The following MMP20 variants were observed in gnomAD, a reference collection of about 807,000 sequenced individuals.
The protein encoded by MMP20 is matrix metallopeptidase 20.
MMP20 carries 50 observed loss-of-function variants against 51.8 expected under a neutral mutation model. The observed-to-expected ratio is 0.97, with a 90% CI of 0.77 to 1.22. The LOEUF is 1.22. MMP20 is among the 50% of genes most tolerant of loss of function. MMP20 has a pLI of 0.00. For synonymous variants in MMP20, 244 were observed against 216.2 expected (o/e 1.13, Z -1.13); for missense variants, 663 against 601.4 (o/e 1.10, Z -1.07).
At chr11:102,588,630 G>C (rs1859280593) in intron 8 of MMP20, among the ~76,000 whole-genome samples, 1 of 152,116 alleles carries the variant, frequency 6.6e-6, no homozygotes, top group South Asian at 2.1e-4. Context: ...AGAGAATAAA[G>C]AAGAAGAAAT....
At chr11:102,624,120 A>G (rs1377617920) in intron 1 of MMP20, among the ~76,000 whole-genome samples, 1 of 152,218 alleles carries the variant, frequency 6.6e-6, no homozygotes, top group African/African-American at 2.4e-5. Flanking sequence ...GGCAGAAACA[A>G]TCGGTAGGGA....
At chr11:102,602,360 A>G (rs1457842028) in intron 6 of MMP20, among the ~76,000 whole-genome samples, 3 of 151,786 alleles carry the variant, frequency 2.0e-5, no homozygotes, top group Non-Finnish European at 4.4e-5. Flanking sequence ...ATAGAATCCT[A>G]TTTTGGAAAA....
At chr11:102,612,329 G>A (rs1431609450) in intron 2 of MMP20, among the ~76,000 whole-genome samples, 1 of 152,208 alleles carries the variant, frequency 6.6e-6, no homozygotes, top group Admixed American at 6.5e-5. Flanking sequence ...GCTGGGCGTG[G>A]TGGTGCAAAC....
chr11:102,603,241 G>A (rs1401866226), intron 6 of MMP20, among the ~76,000 whole-genome samples: 2 of 152,200 alleles, frequency 1.3e-5, no homozygotes, highest in African/African-American at 4.8e-5. Flanking sequence ...AAGAGACTGG[G>A]AGCGCTTTCA....
intron 5 of MMP20, chr11:102,607,600 G>C (rs917325753): frequency 6.6e-6 from 1 of 152,020 alleles, no homozygotes; most frequent in Admixed American, 6.6e-5. Context: ...GAATATCGAA[G>C]CTGGAAATTG....
At chr11:102,615,660 C>T (rs1433958164) in intron 2 of MMP20, among the ~76,000 whole-genome samples, 2 of 152,214 alleles carry the variant, frequency 1.3e-5, no homozygotes, top group Admixed American at 6.5e-5. Flanking sequence ...CAGCTCATTT[C>T]CTGCCATTGC....
chr11:102,610,328 T>C (rs959658942), intron 3 of MMP20, among the ~76,000 whole-genome samples: 2 of 150,250 alleles, frequency 1.3e-5, no homozygotes, highest in African/African-American at 4.9e-5. Context: ...GGACTTTGCA[T>C]GTGCCACAGA....
intron 2 of MMP20, among the ~76,000 whole-genome samples, chr11:102,612,738 C>CTTTTTTTTTTTTTTTTTTTTTTT (rs35861660): frequency 7.9e-6 from 1 of 127,198 alleles, no homozygotes. Flanking sequence ...TCTTTTCTTT[C>CTTTTTTTTTTTTTTTTTTTTTTT]TTTTTTTTTT....
rs759559840 is a variant in MMP20 at position 102,606,657 on chromosome 11, C to T, written c.831G>A (p.Leu277=). 6.2e-7 allele frequency: 1 copy of T among 1,613,948 alleles called. No individual in the cohort carries two copies. Among genetic ancestry groups the T allele is most frequent in the African/African-American group, 1.3e-5 (1 of 74,890 alleles). ...GGGCATGGGGCAGAGTGGGCTTCCC[C>T]AGGAATACTTTCCGAGGTCCTAGGA... ...QALYGPRKVF[L]GKPTLPHAPH... The change falls in exon 6 of 10, where the codon CTG becomes CTA. Residue 277 remains leucine (L), a synonymous_variant. Transcript: ENST00000260228.
chr11:102,589,254 G>A (rs576608797), intron 8 of MMP20, among the ~76,000 whole-genome samples: 7 of 152,178 alleles, frequency 4.6e-5, no homozygotes, highest in South Asian at 2.1e-4. Flanking sequence ...CCACCCACCC[G>A]CACCTCACCC....
intron 6 of MMP20, among the ~76,000 whole-genome samples, chr11:102,596,165 T>C (rs1711436): frequency 0.99 from 151,318 of 152,330 alleles, 75,175 homozygotes; most frequent in East Asian, 1. Flanking sequence ...TCAGGATACT[T>C]TGAGAACACA....
At chr11:102,589,782 C>T (rs960077008) in intron 8 of MMP20, among the ~76,000 whole-genome samples, 2 of 152,110 alleles carry the variant, frequency 1.3e-5, no homozygotes, top group African/African-American at 4.8e-5. Context: ...GTAGTTTAGT[C>T]ATAAGTTTTT....
rs1433181160 is a variant in MMP20, at chr11:102,611,789, T to C, written c.489A>G (p.Gly163=). 5 of 1,614,210 alleles carry C rather than the reference T, an allele frequency of 3.1e-6. No individual in the cohort carries two copies. The highest frequency in any genetic ancestry group is 1.3e-5 in the African/African-American group (1 of 75,064). Residue 163 remains glycine (G), a synonymous_variant, in exon 3 of 10, where the codon GGA becomes GGG. Coordinates refer to ENST00000260228, the MANE Select transcript of MMP20 (RefSeq NM_004771.4). ...CAAAAGATATCATAATATCCGCTTC[T>C]CCTGAGTTTATTCTGACAAAGCTCA... ...VPLSFVRINS[G]EADIMISFEN... is the part of the protein sequence containing the mutation.
intron 2 of MMP20, among the ~76,000 whole-genome samples, chr11:102,616,471 T>C (rs949030389): frequency 6.6e-6 from 1 of 152,204 alleles, no homozygotes; most frequent in Non-Finnish European, 1.5e-5. Flanking sequence ...TATTAGTAGG[T>C]TATTTTTTTC....
chr11:102,582,774 T>C (rs1468760933), intron 8 of MMP20, among the ~76,000 whole-genome samples: 1 of 152,146 alleles, frequency 6.6e-6, no homozygotes. Context: ...TACTTAAAAA[T>C]GGGGAAAACT....
chr11:102,612,412 C>A (rs1382281840), intron 2 of MMP20, among the ~76,000 whole-genome samples: 1 of 152,144 alleles, frequency 6.6e-6, no homozygotes, highest in African/African-American at 2.4e-5. Context: ...TTGCAGTGAG[C>A]CAAGATCGGG....
At position 102,594,058 on chromosome 11, in the gene MMP20, C is replaced by T. The variant is rs565385148; in HGVS notation, c.1091-463G>A. On this transcript the variant is annotated intron_variant, in intron 7 of 9. Transcript: ENST00000260228. ...TTCCATTGGCTCGCCATTGTCACAA[C>T]GCACCTTCAAGGTTTATATTGCTAT... Among the ~76,000 whole-genome samples the T allele has an allele frequency of 4.6e-5, 7 of 152,240 alleles. No homozygotes were observed. In the East Asian group the frequency reaches 7.7e-4, roughly 17 times the overall value.
chr11:102,579,454 A>T (rs904087641), intron 8 of MMP20, among the ~76,000 whole-genome samples: 1 of 151,854 alleles, frequency 6.6e-6, no homozygotes, highest in African/African-American at 2.4e-5. Context: ...CTGGGACTAC[A>T]GGCATGTACC....
At chr11:102,618,141 A>G (rs1859698201) in intron 1 of MMP20, among the ~76,000 whole-genome samples, 2 of 152,198 alleles carry the variant, frequency 1.3e-5, no homozygotes, top group South Asian at 4.1e-4. Flanking sequence ...GTTTAGGGAA[A>G]AGCTACAAAA....
Sources: allele counts gnomAD v4.1 joint callset (sites outside exome capture counted in the v4.1 genomes callset), GRCh38; gene constraint gnomAD v4.1.1; transcripts MANE v1.5; gene names NCBI Gene and HGNC (gene_info 2026-07-23, HGNC 2026-07-21).